The following KCNC1 variants were observed in gnomAD, a reference collection of about 807,000 sequenced individuals.
The protein encoded by KCNC1 is potassium voltage-gated channel subfamily C member 1.
Under a neutral mutation model 43.4 loss-of-function variants are expected in KCNC1, and 8 were observed. The ratio of observed to expected loss-of-function variants is 0.18; its 90% confidence interval spans 0.11 to 0.33. The LOEUF (loss-of-function observed/expected upper bound fraction) is 0.33. KCNC1 is among the 10% of genes least tolerant of loss of function. The probability of loss-of-function intolerance (pLI) is 1.00; values close to 1 mark genes in which losing one functional copy is unlikely to be tolerated. For missense variants in KCNC1, 420 were observed against 836.0 expected, an observed-to-expected ratio of 0.50 and a Z score of 6.14; for synonymous variants, 361 against 360.5, an observed-to-expected ratio of 1.00 and a Z score of -0.01.
Position 17,781,877 on chromosome 11 carries a change from A to T in KCNC1, c.*143A>T, listed in dbSNP as rs2133811728. ...TGGCCCAGGCATTGTACTAGGACGG[A>T]CGTAGCTTTTTCTACGGCCAAATGG... On this transcript the variant is annotated 3_prime_UTR_variant, in exon 4 of 4. Transcript: ENST00000265969. This position sits in a 1 kb window ranked among gnomAD's most constrained non-coding sequence, Gnocchi z 5.1. The T allele has an allele frequency of 2.0e-6, 1 of 512,580 alleles. No individual in the cohort carries two copies. Among genetic ancestry groups the T allele is most frequent in the East Asian group, 3.2e-5 (1 of 30,798 alleles). 31.8% of individuals were successfully genotyped at this position (512,580 alleles called of 1,614,324 possible).
chr11:17,750,267 G>C (rs1848951732), intron 1 of KCNC1, among the ~76,000 whole-genome samples: 1 of 152,214 alleles, frequency 6.6e-6, no homozygotes, highest in Non-Finnish European at 1.5e-5. Flanking sequence ...AGCAGGTCCT[G>C]GGTTTGGATT....
intron 1 of KCNC1, among the ~76,000 whole-genome samples, chr11:17,765,570 G>A (rs192513102): frequency 4.9e-4 from 75 of 152,308 alleles, no homozygotes; most frequent in African/African-American, 1.7e-3. Context: ...TGTTGCCATG[G>A]CGACCACTTT....
rs1009697954 is a variant in KCNC1, at chr11:17,735,823, A to C, written c.-180A>C. On this transcript the variant is annotated 5_prime_UTR_variant, in exon 1 of 4. Transcript: ENST00000265969. The surrounding 1 kb of genome is among the most constrained non-coding windows in gnomAD (Gnocchi z 6.7). ...ACATTCCCCTGGACCGGCACCCGAC[A>C]AAGCGCCCGGAGAGGCTTGGCTCGC... 6.3e-6 allele frequency: 4 copies of C among 630,596 alleles called. No individual in the cohort carries two copies. Among genetic ancestry groups the C allele is most frequent in the Non-Finnish European group, 9.8e-6 (4 of 409,156 alleles). The allele number at this position is 630,596 out of a possible 1,614,324, so 39.1% of individuals were successfully genotyped here.
At chr11:17,761,025 C>T (rs908033266) in intron 1 of KCNC1, among the ~76,000 whole-genome samples, 1 of 152,226 alleles carries the variant, frequency 6.6e-6, no homozygotes, top group Non-Finnish European at 1.5e-5. Context: ...TCCTTTCCCT[C>T]CCGACACCCA....
At position 17,779,494 on chromosome 11, in the gene KCNC1, G is replaced by T. The variant is rs1849322608; in HGVS notation, c.1543G>T (p.Ala515Ser). The part of the protein sequence containing the change: ...LNGEVAKAAL[A>S]NEDCPHIDQA... ...TGGGGAGGTGGCGAAGGCCGCGCTG[G>T]CGAACGAAGACTGCCCCCACATAGA... Residue 515 changes from alanine to serine, a missense_variant, in exon 3 of 4, where the codon GCG becomes TCG. Ala to Ser is a moderately conservative substitution (Grantham distance 99, BLOSUM62 1). Coordinates refer to ENST00000265969, the MANE Select transcript of KCNC1 (RefSeq NM_001112741.2). The surrounding 1 kb of genome is among the most constrained non-coding windows in gnomAD (Gnocchi z 7.2). 1.3e-6 allele frequency: 2 copies of T among 1,550,478 alleles called. No individual in the cohort carries two copies. Among genetic ancestry groups the T allele is most frequent in the Non-Finnish European group, 1.7e-6 (2 of 1,146,596 alleles).
intron 1 of KCNC1, among the ~76,000 whole-genome samples, chr11:17,743,292 A>T (rs960913112): frequency 6.6e-6 from 1 of 152,194 alleles, no homozygotes; most frequent in African/African-American, 2.4e-5. Flanking sequence ...TGTAACTATT[A>T]CACAGCACTG....
intron 1 of KCNC1, among the ~76,000 whole-genome samples, chr11:17,754,252 G>A (rs2299636): frequency 0.11 from 17,349 of 152,122 alleles, 1,076 homozygotes; most frequent in African/African-American, 0.13. Flanking sequence ...AAAGATCAAG[G>A]ATGCCCATTG....
chr11:17,775,288 C>T (rs897900392), intron 2 of KCNC1: 17 of 978,898 alleles, frequency 1.7e-5, no homozygotes, highest in South Asian at 9.5e-5. Context: ...GCATCCCTCC[C>T]GCCCCCCCAG....
intron 1 of KCNC1, among the ~76,000 whole-genome samples, chr11:17,740,442 A>AG (rs750395318): frequency 6.6e-6 from 1 of 152,032 alleles, no homozygotes; most frequent in Admixed American, 6.5e-5. Flanking sequence ...TGGAGAGGGC[A>AG]GGGGGGTCAT....
At chr11:17,770,976 A>T (rs754972635) in intron 1 of KCNC1, among the ~76,000 whole-genome samples, 15 of 152,176 alleles carry the variant, frequency 9.9e-5, no homozygotes, top group Non-Finnish European at 1.9e-4. Flanking sequence ...AGGACAGGGA[A>T]CTCATTACCA....
At chr11:17,774,013 C>T in intron 2 of KCNC1, 1 of 985,512 alleles carries the variant, frequency 1.0e-6, no homozygotes, top group Non-Finnish European at 1.2e-6. Context: ...GACCCACCAC[C>T]CCATCCCAAT....
chr11:17,756,398 C>T (rs992375612), intron 1 of KCNC1, among the ~76,000 whole-genome samples: 1 of 152,114 alleles, frequency 6.6e-6, no homozygotes, highest in African/African-American at 2.4e-5. Context: ...ACCCAGTACC[C>T]TGTATAGGCC....
rs953221435 is a variant in KCNC1 at position 17,774,848 on chromosome 11, G to T, written c.1504+2250G>T. The stretch of plus-strand genomic sequence containing the variant: ...AAGCACTCACTTCCCGGTGGTGTTG[G>T]TGCTGTCCTGATATCCTGACCCCCG... On this transcript the variant is annotated intron_variant, in intron 2 of 3. Transcript: ENST00000265969. 2.4e-5 allele frequency: 24 copies of T among 985,336 alleles called. 1 individual carries two copies. In the South Asian group the frequency reaches 9.4e-4, roughly 39 times the overall value. The allele number at this position is 985,336 out of a possible 1,614,324, so 61.0% of individuals were successfully genotyped here. A position where few individuals can be genotyped will look rare whatever the true frequency, so the allele number is the denominator to read the frequency against.
chr11:17,748,609 T>G, intron 1 of KCNC1, among the ~76,000 whole-genome samples: 1 of 152,202 alleles, frequency 6.6e-6, no homozygotes, highest in Middle Eastern at 3.4e-3. Flanking sequence ...AATAAAATAA[T>G]TTTTAAAAGA....
intron 1 of KCNC1, among the ~76,000 whole-genome samples, chr11:17,741,314 C>T (rs192282617): frequency 4.6e-4 from 70 of 150,990 alleles, no homozygotes; most frequent in African/African-American, 1.6e-3. Context: ...AAGTTAGAAC[C>T]GTCCTCACGA....
In KCNC1 at chr11:17,735,871, A is replaced by T; in HGVS notation, c.-132A>T. ...CGCTCGTTGGGGTGGCCAGAGCCGC[A>T]GGCCTCTGTTCCCCCCGACGGCTGG... On this transcript the variant is annotated 5_prime_UTR_variant, in exon 1 of 4. Coordinates refer to ENST00000265969, the MANE Select transcript of KCNC1 (RefSeq NM_001112741.2). This position sits in a 1 kb window ranked among gnomAD's most constrained non-coding sequence, Gnocchi z 6.7. The T allele has an allele frequency of 9.6e-7, 1 of 1,046,292 alleles. No homozygotes were observed. Among genetic ancestry groups the T allele is most frequent in the Non-Finnish European group, 1.3e-6 (1 of 777,510 alleles). The allele number at this position is 1,046,292 out of a possible 1,614,324, so 64.8% of individuals were successfully genotyped here.
intron 1 of KCNC1, among the ~76,000 whole-genome samples, chr11:17,766,781 CA>C (rs1182365823): frequency 3.9e-5 from 6 of 151,964 alleles, no homozygotes; most frequent in Non-Finnish European, 7.4e-5. Flanking sequence ...TAGACACAAT[CA>C]GGGGGCGCTC....
intron 1 of KCNC1, among the ~76,000 whole-genome samples, chr11:17,764,985 C>T (rs543150279): frequency 2.5e-4 from 38 of 152,318 alleles, no homozygotes; most frequent in African/African-American, 8.4e-4. Flanking sequence ...TTTAATTAGG[C>T]GGAAAAACTG....
Position 17,736,428 on chromosome 11 carries a change from G to A in KCNC1, c.426G>A (p.Ser142=). Reference sequence around the variant, plus strand: ...CGGACGCCGACGGCCCTGGCGACTCGGGCGACGGCGAGGACGAGCTGGAGA... The same window carrying A: ...CGGACGCCGACGGCCCTGGCGACTCAGGCGACGGCGAGGACGAGCTGGAGA... The part of the protein sequence containing the change: ...DDADADGPGD[S]GDGEDELEMT... Residue 142 remains serine (S), a synonymous_variant, in exon 1 of 4, where the codon TCG becomes TCA. Coordinates refer to ENST00000265969, the MANE Select transcript of KCNC1 (RefSeq NM_001112741.2). This position sits in a 1 kb window ranked among gnomAD's most constrained non-coding sequence, Gnocchi z 9.3. 1 of 1,607,064 alleles carries A rather than the reference G, an allele frequency of 6.2e-7. No homozygotes were observed. The highest frequency in any genetic ancestry group is 8.5e-7 in the Non-Finnish European group (1 of 1,178,256).
Sources: gnomAD v4.1 joint callset for allele counts (sites outside exome capture counted in the v4.1 genomes callset) on GRCh38, gnomAD v4.1.1 for gene constraint, Gnocchi (gnomAD v3.1) non-coding constraint, MANE v1.5 for transcripts, NCBI Gene and HGNC (gene_info 2026-07-23, HGNC 2026-07-21) for gene names.